Variants in DMD observed in about 807,000 individuals in gnomAD.
The protein encoded by DMD is dystrophin.
A neutral mutation model predicts 330.1 loss-of-function variants in DMD; 63 were observed. That is an observed-to-expected ratio of 0.19 (90% CI 0.16 to 0.24). The LOEUF (loss-of-function observed/expected upper bound fraction) is 0.24. DMD is among the 10% of genes least tolerant of loss of function. The pLI is 1.00. For missense variants in DMD, 3,344 were observed against 2,684.1 expected (o/e 1.25, Z -5.43); for synonymous variants, 1,223 against 959.8 (o/e 1.27, Z -5.07).
chrX:31,203,288 G>A (rs373619753), intron 67 of DMD, among the ~76,000 whole-genome samples: 1,285 of 68,652 alleles, frequency 0.019, no homozygotes, highest in Non-Finnish European at 0.021. Context: ...ACTCAAAAAA[G>A]AAAAAAAAAA....
intron 2 of DMD, among the ~76,000 whole-genome samples, chrX:32,962,523 G>A (rs899114926): frequency 9.0e-6 from 1 of 111,509 alleles, no homozygotes; most frequent in African/African-American, 3.3e-5. Context: ...ACTATACCAA[G>A]CATGAAGCAA....
chrX:33,146,275 C>T (rs747689405), intron 1 of DMD, among the ~76,000 whole-genome samples: 3 of 111,024 alleles, frequency 2.7e-5, no homozygotes, highest in African/African-American at 6.6e-5. Flanking sequence ...ACTCTCCTTT[C>T]TCCACGTCCC....
At chrX:31,481,635 C>T (rs1432925545) in intron 57 of DMD, among the ~76,000 whole-genome samples, 1 of 111,839 alleles carries the variant, frequency 8.9e-6, no homozygotes, top group East Asian at 2.8e-4. Flanking sequence ...AGTTCACCTA[C>T]AGAAAGCTCT....
chrX:32,956,161 G>C (rs1293611845), intron 2 of DMD, among the ~76,000 whole-genome samples: 2 of 109,708 alleles, frequency 1.8e-5, no homozygotes, highest in Admixed American at 9.8e-5. Flanking sequence ...TCTTTTATTG[G>C]TTCCATATGA....
chrX:31,733,260 T>G (rs773432164), intron 51 of DMD, among the ~76,000 whole-genome samples: 3 of 111,681 alleles, frequency 2.7e-5, no homozygotes, highest in Non-Finnish European at 3.8e-5. Flanking sequence ...AAATCATACA[T>G]ATTATAACTA....
chrX:31,409,522 T>C (rs923982711), intron 60 of DMD, among the ~76,000 whole-genome samples: 1 of 112,353 alleles, frequency 8.9e-6, no homozygotes, highest in African/African-American at 3.2e-5. Context: ...GGCAATTTGG[T>C]AAGATAATAC....
chrX:32,487,496 C>A (rs1383824197), intron 20 of DMD, among the ~76,000 whole-genome samples: 1 of 110,918 alleles, frequency 9.0e-6, no homozygotes, highest in South Asian at 3.9e-4. Flanking sequence ...GAAATCTGAG[C>A]TTCCTGAAAA....
intron 7 of DMD, among the ~76,000 whole-genome samples, chrX:32,748,054 A>G (rs1484936611): frequency 3.6e-5 from 4 of 111,134 alleles, no homozygotes; most frequent in Admixed American, 2.9e-4. Context: ...CTTAAAGAAA[A>G]AGTGTAGGCC....
At chrX:32,714,961 A>G (rs1024978351) in intron 7 of DMD, among the ~76,000 whole-genome samples, 7 of 111,345 alleles carry the variant, frequency 6.3e-5, no homozygotes, top group Admixed American at 5.7e-4. Context: ...TGACCACGAG[A>G]AGCTATAATC....
In DMD at chrX:31,712,002, C is replaced by T. The variant is rs1453856908; in HGVS notation, c.7660+17629G>A. On this transcript the variant is annotated intron_variant, in intron 52 of 78. Coordinates refer to ENST00000357033, the MANE Select transcript of DMD (RefSeq NM_004006.3). Reference sequence around the variant, plus strand: ...AACGGCATTTGAAAATCTGTTAATCCACATGGTCTTGAAGCATATTTCTCC... The same window carrying T: ...AACGGCATTTGAAAATCTGTTAATCTACATGGTCTTGAAGCATATTTCTCC... 2.7e-5 allele frequency among the ~76,000 whole-genome samples: 3 copies of T among 110,417 alleles called. No homozygotes were observed. The East Asian group carries it at 8.4e-4, about 31-fold the overall frequency.
chrX:31,571,870 A>G (rs1163179363), intron 55 of DMD, among the ~76,000 whole-genome samples: 2 of 112,005 alleles, frequency 1.8e-5, no homozygotes, highest in Non-Finnish European at 3.8e-5. Flanking sequence ...GGATGAAATT[A>G]TATCAGGTTA....
intron 1 of DMD, among the ~76,000 whole-genome samples, chrX:33,109,134 T>C (rs1201427066): frequency 4.5e-5 from 5 of 110,386 alleles, no homozygotes; most frequent in East Asian, 5.7e-4. Context: ...CACTTTTTAA[T>C]ATATACTCAT....
intron 7 of DMD, among the ~76,000 whole-genome samples, chrX:32,741,766 A>G (rs940611189): frequency 3.6e-5 from 4 of 112,004 alleles, no homozygotes; most frequent in Non-Finnish European, 3.8e-5. Flanking sequence ...TGAATATACT[A>G]AAAACATTGA....
At chrX:33,011,307 C>T (rs1438617738) in intron 2 of DMD, among the ~76,000 whole-genome samples, 1 of 111,291 alleles carries the variant, frequency 9.0e-6, no homozygotes. Flanking sequence ...ATTATATGCC[C>T]TCTCACAACC....
chrX:31,334,934 C>A (rs751639370), intron 61 of DMD, among the ~76,000 whole-genome samples: 1 of 111,681 alleles, frequency 9.0e-6, no homozygotes, highest in East Asian at 2.8e-4. Context: ...GTTTCCTCCA[C>A]CTGGAACACT....
rs771582041 is a variant in DMD at position 32,827,053 on chromosome X, C to T, written c.265-3666G>A. On this transcript the variant is annotated intron_variant, in intron 4 of 78. Coordinates refer to ENST00000357033, the MANE Select transcript of DMD (RefSeq NM_004006.3). ...AAAAATAAGTCATTGGAACACACAT[C>T]GCACCCCCCCCCCACACACACACAC... is the stretch of plus-strand genomic sequence containing the variant. Among the ~76,000 whole-genome samples, 450 of 68,793 alleles carry T rather than the reference C, an allele frequency of 6.5e-3. 16 individuals carry two copies. The Admixed American group carries it at 0.069, about 11-fold the overall frequency. The allele number at this position is 68,793 out of a possible 115,157, so 59.7% of individuals were successfully genotyped here.
chrX:31,898,682 G>C (rs940951199), intron 47 of DMD, among the ~76,000 whole-genome samples: 1 of 111,759 alleles, frequency 8.9e-6, no homozygotes, highest in Admixed American at 9.5e-5. Context: ...GATAACCTAG[G>C]CATTACAATT....
chrX:31,458,514 C>CAA (rs199537077), intron 59 of DMD, among the ~76,000 whole-genome samples: 11 of 53,389 alleles, frequency 2.1e-4, no homozygotes, highest in African/African-American at 4.2e-4. Flanking sequence ...ATGTGATTTC[C>CAA]AAAAAAAAAA....
intron 44 of DMD, among the ~76,000 whole-genome samples, chrX:32,203,905 A>C (rs1306762907): frequency 9.0e-6 from 1 of 111,634 alleles, no homozygotes; most frequent in African/African-American, 3.3e-5. Context: ...CCTTCTTTTA[A>C]TACACTATGG....
Sources: gnomAD v4.1 joint callset for allele counts (sites outside exome capture counted in the v4.1 genomes callset) on GRCh38, gnomAD v4.1.1 for gene constraint, MANE v1.5 for transcripts, NCBI Gene and HGNC (gene_info 2026-07-23, HGNC 2026-07-21) for gene names.